The following ARMC6 variants were observed in gnomAD, a reference collection of about 807,000 sequenced individuals.
The protein encoded by ARMC6 is armadillo repeat-containing protein 6.
Under a neutral mutation model 49.2 loss-of-function variants are expected in ARMC6, and 43 were observed. The observed-to-expected ratio is 0.87, with a 90% CI of 0.69 to 1.13. The LOEUF (loss-of-function observed/expected upper bound fraction) is 1.13, where lower values mean the gene tolerates loss of function less well. Among genes scored for constraint, ARMC6 ranks in the 50% most tolerant of loss-of-function variants. The probability of loss-of-function intolerance (pLI) is 0.00; values close to 1 mark genes in which losing one functional copy is unlikely to be tolerated. For missense variants in ARMC6, 627 were observed against 682.0 expected (o/e 0.92, Z 0.90); for synonymous variants, 262 against 289.6 (o/e 0.90, Z 0.97).
chr19:19,038,842 C>T (rs998479050), intron 2 of ARMC6, among the ~76,000 whole-genome samples: 6 of 151,882 alleles, frequency 4.0e-5, no homozygotes, highest in African/African-American at 7.3e-5. Flanking sequence ...CAGGCATGAG[C>T]CACCATGCCT....
At chr19:19,045,164 C>T (rs1245185579) in intron 4 of ARMC6, among the ~76,000 whole-genome samples, 1 of 152,096 alleles carries the variant, frequency 6.6e-6, no homozygotes, top group African/African-American at 2.4e-5. Flanking sequence ...ACACACGCCA[C>T]CACACCTGAC....
chr19:19,043,957 G>C lies in ARMC6; in HGVS notation c.197-35G>C, dbSNP rs1295314325. The C allele has an allele frequency of 3.1e-6, 5 of 1,591,348 alleles. No individual in the cohort carries two copies. The African/African-American group carries it at 4.0e-5, about 13-fold the overall frequency. ...GGATGACAGCTGTCACTTTCTTTCT[G>C]ACCCCTGTGTGCTTGCTTCCCCCAC... On this transcript the variant is annotated intron_variant, in intron 3 of 8. Coordinates refer to ENST00000535612, the MANE Select transcript of ARMC6 (RefSeq NM_001199196.2).
At position 19,057,546 on chromosome 19, in the gene ARMC6, C is replaced by G; in HGVS notation, c.1424C>G (p.Ala475Gly). ...RSAHRDCEDV[A>G]KAALRDLGCH... ...GCCCACCGTGACTGTGAGGACGTGG[C>G]CAAGGCCGCCCTGCGGGACCTGGGT... Residue 475 changes from alanine (A) to glycine (G), a missense_variant, in exon 9 of 9, where the codon GCC (alanine) becomes GGC (glycine). By Grantham distance (60) the Ala-to-Gly change is moderately conservative. Transcript: ENST00000535612. 1 of 1,613,812 alleles carries G rather than the reference C, an allele frequency of 6.2e-7. No individual in the cohort carries two copies.
In ARMC6 at chr19:19,055,487, A is replaced by G; in HGVS notation, c.1155+91A>G. The G allele has an allele frequency of 5.4e-6, 8 of 1,490,456 alleles. No homozygotes were observed. Among genetic ancestry groups the G allele is most frequent in the Non-Finnish European group, 7.2e-6 (8 of 1,117,258 alleles). The allele number at this position is 1,490,456 out of a possible 1,614,324, so 92.3% of individuals were successfully genotyped here. A position where few individuals can be genotyped will look rare whatever the true frequency, so the allele number is the denominator to read the frequency against. ...TCTGCATGAAGCTCTATTCCCCTGC[A>G]GGGCCAGGGCAGGGCTGGTGAGGGT... On this transcript the variant is annotated intron_variant, in intron 7 of 8. Transcript: ENST00000535612. The surrounding 1 kb of genome is among the most constrained non-coding windows in gnomAD (Gnocchi z 5.7).
intron 4 of ARMC6, among the ~76,000 whole-genome samples, chr19:19,046,427 G>A (rs1281236130): frequency 1.3e-5 from 2 of 152,080 alleles, no homozygotes; most frequent in African/African-American, 4.8e-5. Flanking sequence ...TCGATCTCCT[G>A]ACCTTGTGAT....
At chr19:19,054,077 A>C in intron 5 of ARMC6, 75 bp from the exon 6 acceptor site, 2 of 1,388,832 alleles carry the variant, frequency 1.4e-6, no homozygotes, top group Non-Finnish European at 1.9e-6. Context: ...CCAGTGGAGC[A>C]GGATCTCCAC....
In ARMC6 at chr19:19,033,929, G is replaced by T; in HGVS notation, c.-81G>T. On this transcript the variant is annotated splice_region_variant and 5_prime_UTR_variant, in exon 1 of 9. Transcript: ENST00000535612. The stretch of plus-strand genomic sequence containing the variant: ...CTTTCCCCACGTGGCCGCGAAGACC[G>T]GGTGAGACGCTGCGGCTGCCGAGGC... The T allele has an allele frequency of 2.2e-6, 1 of 445,026 alleles. No homozygotes were observed. The highest frequency in any genetic ancestry group is 4.1e-6 in the Non-Finnish European group (1 of 246,832). 27.6% of individuals were successfully genotyped at this position (445,026 alleles called of 1,614,324 possible). A position where few individuals can be genotyped will look rare whatever the true frequency, so the allele number is the denominator to read the frequency against.
intron 2 of ARMC6, among the ~76,000 whole-genome samples, chr19:19,039,956 C>T (rs1015696843): frequency 1.1e-4 from 16 of 152,126 alleles, no homozygotes; most frequent in African/African-American, 3.4e-4. Context: ...AGTCACTCGT[C>T]ACACATGGCT....
In ARMC6 at chr19:19,051,839, C is replaced by G. The variant is rs762108842; in HGVS notation, c.497C>G (p.Thr166Ser). Residue 166 changes from threonine to serine, a missense_variant, in exon 5 of 9, where the codon ACT (threonine) becomes AGT (serine). Transcript: ENST00000535612. The part of the protein sequence containing the change: ...LQSLNALSVL[T>S]DGQPDLLDAQ... The stretch of plus-strand genomic sequence containing the variant: ...TCCCTCAATGCCCTGTCGGTGCTGA[C>G]TGATGGACAGCCAGACCTCCTGGAT... The G allele has an allele frequency of 6.2e-7, 1 of 1,614,152 alleles. No individual in the cohort carries two copies. The highest frequency in any genetic ancestry group is 8.5e-7 in the Non-Finnish European group (1 of 1,180,030).
At position 19,051,628 on chromosome 19, in the gene ARMC6, A is replaced by G. The variant is rs773942031; in HGVS notation, c.286A>G (p.Ser96Gly). 3 of 1,591,448 alleles carry G rather than the reference A, an allele frequency of 1.9e-6. No homozygotes were observed. In the African/African-American group the frequency reaches 4.0e-5, roughly 21 times the overall value. The stretch of plus-strand genomic sequence containing the variant: ...TTTCTCCCATGTCTCCCAGATGCTC[A>G]GTGACCTCCAGGAGTCTGTGGCCAG... ...EPTHDILQMLSDLQESVASSR... is the reference protein window; with the variant it reads ...EPTHDILQMLGDLQESVASSR... The change falls in exon 5 of 9, where the codon AGT becomes GGT. Residue 96 changes from serine (S) to glycine (G), a missense_variant. Coordinates refer to ENST00000535612, the MANE Select transcript of ARMC6 (RefSeq NM_001199196.2).
rs941975455 is a variant in ARMC6 at position 19,057,665 on chromosome 19, C to T, written c.*37C>T. On this transcript the variant is annotated 3_prime_UTR_variant, in exon 9 of 9. Coordinates refer to ENST00000535612, the MANE Select transcript of ARMC6 (RefSeq NM_001199196.2). ...GTCTGGGCCGTGACTCTGGGTGAGT[C>T]GTGTGACTCAGGAATGGGGGTAGAT... 6.9e-6 allele frequency: 11 copies of T among 1,592,240 alleles called. No homozygotes were observed. The highest frequency in any genetic ancestry group is 8.6e-6 in the Non-Finnish European group (10 of 1,167,122).
Position 19,057,448 on chromosome 19 carries a change from G to A in ARMC6, c.1326G>A (p.Val442=). ...KQACMLIRNL[V]AHGQAFSKPI... ...CTTGCATGCTGATCCGAAACCTGGT[G>A]GCCCACGGCCAGGCCTTCTCGAAGC... The change falls in exon 9 of 9, where the codon GTG becomes GTA. Residue 442 remains valine, a synonymous_variant. Coordinates refer to ENST00000535612, the MANE Select transcript of ARMC6 (RefSeq NM_001199196.2). The A allele has an allele frequency of 6.2e-7, 1 of 1,613,766 alleles. No homozygotes were observed. The highest frequency in any genetic ancestry group is 1.3e-5 in the African/African-American group (1 of 75,064).
At chr19:19,051,371 C>CTGTGTGTGTGTGTG (rs1349643143) in intron 4 of ARMC6, among the ~76,000 whole-genome samples, 1 of 122,796 alleles carries the variant, frequency 8.1e-6, no homozygotes, top group African/African-American at 3.9e-5. Context: ...CTCTCTCTCT[C>CTGTGTGTGTGTGTG]TCTCTGTGTG....
At chr19:19,051,203 A>T (rs2059492140) in intron 4 of ARMC6, among the ~76,000 whole-genome samples, 1 of 152,174 alleles carries the variant, frequency 6.6e-6, no homozygotes, top group African/African-American at 2.4e-5. Flanking sequence ...AACAACAGGC[A>T]TCTTATTGTT....
intron 4 of ARMC6, among the ~76,000 whole-genome samples, chr19:19,044,528 G>A (rs1047204888): frequency 4.6e-5 from 7 of 152,254 alleles, no homozygotes; most frequent in Admixed American, 3.9e-4. Flanking sequence ...CTGTCTTAGT[G>A]ATGGGGAAAC....
Position 19,037,563 on chromosome 19 carries a change from C to T in ARMC6, c.29+3325C>T, listed in dbSNP as rs375802025. 1.0e-4 allele frequency: 92 copies of T among 904,140 alleles called. No individual in the cohort carries two copies. The East Asian group carries it at 3.4e-3, about 33-fold the overall frequency. The allele number at this position is 904,140 out of a possible 1,614,324, so 56.0% of individuals were successfully genotyped here. On this transcript the variant is annotated intron_variant, in intron 2 of 8. Transcript: ENST00000535612. ...GGTATTTTTTATAGAGATGGAGTTTCGCCACGTGTCCAGGCTGGTCTCAAA... is the reference window on the plus strand; with the variant it reads ...GGTATTTTTTATAGAGATGGAGTTTTGCCACGTGTCCAGGCTGGTCTCAAA...
rs754182807 is a variant in ARMC6, at chr19:19,044,125, G to T, written c.279+51G>T. ...GGTCCTGCGTCACCTCTGTCTGGGGGCACCTCTTCCCTGTTTCCTGGATGG... is the reference window on the plus strand; with the variant it reads ...GGTCCTGCGTCACCTCTGTCTGGGGTCACCTCTTCCCTGTTTCCTGGATGG... On this transcript the variant is annotated intron_variant, in intron 4 of 8. Transcript: ENST00000535612. 1.9e-6 allele frequency: 3 copies of T among 1,538,852 alleles called. No homozygotes were observed. The South Asian group carries it at 3.4e-5, about 17-fold the overall frequency.
chr19:19,038,699 T>C (rs1301928696), intron 2 of ARMC6, among the ~76,000 whole-genome samples: 1 of 152,148 alleles, frequency 6.6e-6, no homozygotes, highest in Non-Finnish European at 1.5e-5. Flanking sequence ...TGCCTCAGCC[T>C]CCCGAGTAGC....
intron 1 of ARMC6, 66 bp from the exon 2 acceptor site, chr19:19,034,065 T>C (rs2059310447): frequency 3.1e-6 from 2 of 637,970 alleles, no homozygotes; most frequent in Non-Finnish European, 5.5e-6. Context: ...AGAAGCCGCC[T>C]GGGGACAAAA....
Sources: gnomAD v4.1 joint callset for allele counts (sites outside exome capture counted in the v4.1 genomes callset) on GRCh38, gnomAD v4.1.1 for gene constraint, Gnocchi (gnomAD v3.1) non-coding constraint, MANE v1.5 for transcripts, NCBI Gene and HGNC (gene_info 2026-07-23, HGNC 2026-07-21) for gene names.